Variants in TMEM201 observed in about 807,000 individuals in gnomAD.
TMEM201 encodes the protein RP13-15M17.2.
In TMEM201, 26 loss-of-function variants were observed where a neutral mutation model predicts 63.4. That is an observed-to-expected ratio of 0.41 (90% CI 0.30 to 0.57). The LOEUF (loss-of-function observed/expected upper bound fraction) is 0.57. TMEM201 is among the 20% of genes least tolerant of loss of function. TMEM201 has a pLI of 0.29. For synonymous variants in TMEM201, 417 were observed against 421.6 expected (o/e 0.99, Z 0.14); for missense variants, 794 against 917.7 (o/e 0.87, Z 1.74).
chr1:9,606,147 T>G (rs1644238794), intron 6 of TMEM201: 1 of 152,188 alleles, frequency 6.6e-6, no homozygotes, highest in Admixed American at 6.5e-5. Context: ...GAATCAGAAT[T>G]CTAACATGAC....
rs1025432079 is a variant in TMEM201 at position 9,613,119 on chromosome 1, G to A, written c.*36G>A. ...GAGCCCCTCGGAGGGGAGCAACCCG[G>A]TGCCTGCTGCTTCACCACTGCCGGC... On this transcript the variant is annotated 3_prime_UTR_variant, in exon 11 of 11. Transcript: ENST00000340381. 2 of 1,542,550 alleles carry A rather than the reference G, an allele frequency of 1.3e-6. No individual in the cohort carries two copies. The highest frequency in any genetic ancestry group is 1.4e-5 in the African/African-American group (1 of 72,952).
At chr1:9,591,810 T>C (rs1643926097) in intron 1 of TMEM201, among the ~76,000 whole-genome samples, 1 of 152,220 alleles carries the variant, frequency 6.6e-6, no homozygotes, top group South Asian at 2.1e-4. Flanking sequence ...GCACTCTCCC[T>C]GAGCAACCGC....
In TMEM201 at chr1:9,602,226, G is replaced by A. The variant is rs1295346274; in HGVS notation, c.1114G>A (p.Val372Met). ...LCCLVGFTAA[V>M]ATRKATGPRR... ...CTGCCTGGTTGGCTTCACGGCGGCT[G>A]TGGCCACAAGGAAGGCAACGGGCCC... The change falls in exon 6 of 11, where the codon GTG becomes ATG. Residue 372 changes from valine (V) to methionine (M), a missense_variant. Physicochemically the swap from Val to Met is conservative, Grantham distance 21. Transcript: ENST00000340381. The A allele has an allele frequency of 6.2e-7, 1 of 1,612,360 alleles. No individual in the cohort carries two copies. The highest frequency in any genetic ancestry group is 8.5e-7 in the Non-Finnish European group (1 of 1,179,962).
chr1:9,604,413 T>C lies in TMEM201; in HGVS notation c.1160+2141T>C. 1.0e-6 allele frequency: 1 copy of C among 985,412 alleles called. No homozygotes were observed. Among genetic ancestry groups the C allele is most frequent in the Non-Finnish European group, 1.2e-6 (1 of 829,934 alleles). 61.0% of individuals were successfully genotyped at this position (985,412 alleles called of 1,614,324 possible). A position where few individuals can be genotyped will look rare whatever the true frequency, so the allele number is the denominator to read the frequency against. ...GAGTTTTGTGTGACTTTTTAAATTA[T>C]TCATGTGTCCCTTAAAAGTTTCACT... On this transcript the variant is annotated intron_variant, in intron 6 of 10. Coordinates refer to ENST00000340381, the MANE Select transcript of TMEM201 (RefSeq NM_001130924.3). This position sits in a 1 kb window ranked among gnomAD's most constrained non-coding sequence, Gnocchi z 4.1.
intron 10 of TMEM201, among the ~76,000 whole-genome samples, chr1:9,612,298 C>T (rs1477360517): frequency 6.6e-6 from 1 of 152,218 alleles, no homozygotes; most frequent in Non-Finnish European, 1.5e-5. Context: ...AGCCTGGGTG[C>T]ACCGGGACCA....
At position 9,613,801 on chromosome 1, in the gene TMEM201, A is replaced by G. The variant is rs1225075227; in HGVS notation, c.*718A>G. 1 of 151,998 alleles carries G rather than the reference A, an allele frequency of 6.6e-6. No homozygotes were observed. Among genetic ancestry groups the G allele is most frequent in the Non-Finnish European group, 1.5e-5 (1 of 68,086 alleles). 9.4% of individuals were successfully genotyped at this position (151,998 alleles called of 1,614,324 possible). A position where few individuals can be genotyped will look rare whatever the true frequency, so the allele number is the denominator to read the frequency against. On this transcript the variant is annotated 3_prime_UTR_variant, in exon 11 of 11. Transcript: ENST00000340381. Reference sequence around the variant, plus strand: ...CTGAGAATGCGGAGCGCCCTGGCCCACCTCGCCCTGTGTTTCCAGGCCTGC... The same window carrying G: ...CTGAGAATGCGGAGCGCCCTGGCCCGCCTCGCCCTGTGTTTCCAGGCCTGC...
rs1044655906 is a variant in TMEM201, at chr1:9,604,558, G to A, written c.1160+2286G>A. 2.0e-5 allele frequency: 20 copies of A among 985,304 alleles called. No individual in the cohort carries two copies. Among genetic ancestry groups the A allele is most frequent in the South Asian group, 1.4e-4 (3 of 21,296 alleles). The allele number at this position is 985,304 out of a possible 1,614,324, so 61.0% of individuals were successfully genotyped here. Reference sequence around the variant, plus strand: ...CCTGCCAGGGAACTCTTCTCCTCGCGGGGGACTTGGGATGGCCATCAGACC... The same window carrying A: ...CCTGCCAGGGAACTCTTCTCCTCGCAGGGGACTTGGGATGGCCATCAGACC... On this transcript the variant is annotated intron_variant, in intron 6 of 10. Transcript: ENST00000340381. This position sits in a 1 kb window ranked among gnomAD's most constrained non-coding sequence, Gnocchi z 4.1.
At position 9,596,869 on chromosome 1, in the gene TMEM201, A is replaced by G. The variant is rs1248798004; in HGVS notation, c.245A>G (p.Tyr82Cys). The G allele has an allele frequency of 6.3e-7, 1 of 1,588,602 alleles. No homozygotes were observed. The highest frequency in any genetic ancestry group is 8.6e-7 in the Non-Finnish European group (1 of 1,160,870). Reference protein sequence around the residue: ...QYNGFQENGDYNKPIPAQYLE... With the variant: ...QYNGFQENGDCNKPIPAQYLE... ...ACCTCTCTCCCGCAGAACGGCGACT[A>G]CAACAAGCCGATCCCCGCCCAGTAC... Residue 82 changes from tyrosine to cysteine, a missense_variant, in exon 3 of 11, where the codon TAC becomes TGC. Coordinates refer to ENST00000340381, the MANE Select transcript of TMEM201 (RefSeq NM_001130924.3).
At chr1:9,598,302 G>A (rs943126790) in intron 3 of TMEM201, 147 bp from the exon 4 acceptor site, 3 of 891,970 alleles carry the variant, frequency 3.4e-6, no homozygotes, top group Non-Finnish European at 3.5e-6. Context: ...GTTGGGCAGA[G>A]GGGAAGCAGG....
intron 4 of TMEM201, 100 bp downstream of exon 4, chr1:9,598,725 G>A (rs1644075314): frequency 1.7e-6 from 2 of 1,159,558 alleles, no homozygotes; most frequent in Non-Finnish European, 2.4e-6. Context: ...TAGCTCTTCA[G>A]AGCTGAGCCC....
chr1:9,590,528 G>A (rs1347809809), intron 1 of TMEM201, among the ~76,000 whole-genome samples: 2 of 152,186 alleles, frequency 1.3e-5, no homozygotes, highest in African/African-American at 4.8e-5. Flanking sequence ...GCTGTCCTCA[G>A]GGATGCTGTC....
chr1:9,611,030 C>G (rs1021780784), intron 9 of TMEM201: 8 of 1,529,058 alleles, frequency 5.2e-6, no homozygotes, highest in East Asian at 2.5e-5. Context: ...CTTCAGGGTC[C>G]TCTGTTTCTT....
intron 1 of TMEM201, among the ~76,000 whole-genome samples, chr1:9,591,543 C>T (rs932714879): frequency 1.3e-5 from 2 of 152,256 alleles, no homozygotes; most frequent in Admixed American, 6.5e-5. Flanking sequence ...CGCTGCTGCT[C>T]GGGTGCCTGT....
Position 9,601,146 on chromosome 1 carries a change from G to A in TMEM201, c.648G>A (p.Leu216=). Residue 216 remains leucine (L), a synonymous_variant, in exon 5 of 11, where the codon CTG becomes CTA. Transcript: ENST00000340381. ...SAVKSPVQVI[L]LRALAFLACA... ...TGAAGTCCCCGGTCCAGGTCATCCT[G>A]CTCCGTGCCCTCGCCTTCCTGGCCT... 2 of 1,606,998 alleles carry A rather than the reference G, an allele frequency of 1.2e-6. No homozygotes were observed. The highest frequency in any genetic ancestry group is 1.7e-6 in the Non-Finnish European group (2 of 1,174,514).
chr1:9,601,969 T>C, intron 5 of TMEM201, 100 bp from the exon 6 acceptor site: 1 of 1,404,862 alleles, frequency 7.1e-7, no homozygotes, highest in Non-Finnish European at 9.5e-7. Context: ...CTCTGGACTC[T>C]TCTGAGCAGG....
intron 6 of TMEM201, 115 bp downstream of exon 6, chr1:9,602,387 T>TGG: frequency 7.0e-7 from 1 of 1,421,962 alleles, no homozygotes; most frequent in Non-Finnish European, 9.4e-7. Flanking sequence ...GCTCACGCCC[T>TGG]CCCACCCCCA....
rs1569920821 is a variant in TMEM201, at chr1:9,596,842, C to T, written c.235-17C>T. ...TGGGAGGGCCTGCCTGCCTCGAGTC[C>T]CACCTCTCTCCCGCAGAACGGCGAC... On this transcript the variant is annotated splice_polypyrimidine_tract_variant and intron_variant, in intron 2 of 10. Coordinates refer to ENST00000340381, the MANE Select transcript of TMEM201 (RefSeq NM_001130924.3). The T allele has an allele frequency of 1.3e-6, 2 of 1,569,348 alleles. No individual in the cohort carries two copies. Among genetic ancestry groups the T allele is most frequent in the East Asian group, 2.3e-5 (1 of 43,558 alleles).
rs565257383 is a variant in TMEM201 at position 9,607,894 on chromosome 1, C to A, written c.1393+105C>A. ...GGAGGGCCGGGAGTGGTTAGTGTTC[C>A]TGCTGCAGAGACAGGCAGCACAGAG... On this transcript the variant is annotated intron_variant, in intron 7 of 10. Transcript: ENST00000340381. The surrounding 1 kb of genome is among the most constrained non-coding windows in gnomAD (Gnocchi z 5.4). 9.1e-7 allele frequency: 1 copy of A among 1,102,766 alleles called. No individual in the cohort carries two copies. Among genetic ancestry groups the A allele is most frequent in the Non-Finnish European group, 1.3e-6 (1 of 780,496 alleles). The allele number at this position is 1,102,766 out of a possible 1,614,324, so 68.3% of individuals were successfully genotyped here.
At chr1:9,597,422 ACT>A (rs1397282582) in intron 3 of TMEM201, among the ~76,000 whole-genome samples, 1 of 152,016 alleles carries the variant, frequency 6.6e-6, no homozygotes, top group Non-Finnish European at 1.5e-5. Context: ...TGTTGGACCC[ACT>A]CTGTCCTGTT....
Sources: allele counts gnomAD v4.1 joint callset (sites outside exome capture counted in the v4.1 genomes callset), GRCh38; gene constraint gnomAD v4.1.1; non-coding constraint Gnocchi (gnomAD v3.1); transcripts MANE v1.5; gene names NCBI Gene and HGNC (gene_info 2026-07-23, HGNC 2026-07-21).